Variants in WDR19 observed in about 807,000 individuals in gnomAD.
WDR19 encodes WD repeat-containing protein 19.
WDR19 carries 121 observed loss-of-function variants against 180.0 expected under a neutral mutation model. That is an observed-to-expected ratio of 0.67 (90% confidence interval 0.58 to 0.78). The LOEUF (loss-of-function observed/expected upper bound fraction) is 0.78, where lower values mean the gene tolerates loss of function less well. Ranked by LOEUF, WDR19 falls within the 30% of genes least tolerant of loss-of-function variation. The probability of loss-of-function intolerance (pLI) is 0.00; values close to 1 mark genes in which losing one functional copy is unlikely to be tolerated. For missense variants in WDR19, 1,450 were observed against 1,640.7 expected, an observed-to-expected ratio of 0.88 and a Z score of 2.01; for synonymous variants, 497 against 540.7, an observed-to-expected ratio of 0.92 and a Z score of 1.12.
chr4:39,277,496 T>G (rs1291539518), intron 34 of WDR19, among the ~76,000 whole-genome samples: 1 of 152,234 alleles, frequency 6.6e-6, no homozygotes, highest in African/African-American at 2.4e-5. Flanking sequence ...AGCAGTAGTT[T>G]TTATTATAAT....
intron 32 of WDR19, 33 bp from the exon 33 acceptor site, chr4:39,274,773 CTG>C (rs764336730): frequency 1.9e-6 from 3 of 1,601,930 alleles, no homozygotes; most frequent in Non-Finnish European, 2.6e-6. Flanking sequence ...ACAGCAGACA[CTG>C]TGCTGTTGCT....
chr4:39,228,796 T>C, intron 17 of WDR19, 106 bp downstream of exon 17: 1 of 1,286,432 alleles, frequency 7.8e-7, no homozygotes, highest in East Asian at 2.6e-5. Flanking sequence ...TTCTTTATCC[T>C]TGCAAGAATT....
At chr4:39,193,670 C>A (rs1480340086) in intron 4 of WDR19, among the ~76,000 whole-genome samples, 1 of 152,178 alleles carries the variant, frequency 6.6e-6, no homozygotes, top group Non-Finnish European at 1.5e-5. Flanking sequence ...ACTCTTTTGT[C>A]CTTTTATCAC....
At chr4:39,260,539 C>A (rs1734188809) in intron 28 of WDR19, among the ~76,000 whole-genome samples, 2 of 152,022 alleles carry the variant, frequency 1.3e-5, no homozygotes, top group African/African-American at 4.8e-5. Flanking sequence ...CAGGGTTTCA[C>A]CATGTTGGTC....
At position 39,186,481 on chromosome 4, in the gene WDR19, A is replaced by AC. The variant is rs1180320212; in HGVS notation, c.99-58_99-57insC. 8 of 450,432 alleles carry AC rather than the reference A, an allele frequency of 1.8e-5. No individual in the cohort carries two copies. In the African/African-American group the frequency reaches 2.3e-4, roughly 13 times the overall value. The allele number at this position is 450,432 out of a possible 1,614,324, so 27.9% of individuals were successfully genotyped here. On this transcript the variant is annotated intron_variant, in intron 2 of 36. Coordinates refer to ENST00000399820, the MANE Select transcript of WDR19 (RefSeq NM_025132.4). ...GCAACAGAGGGAGACTCTGTCTCAA[A>AC]AAAAAAAAAAAAAAAAAAAAAAAGT...
chr4:39,270,480 ATTC>A (rs1317946886), intron 31 of WDR19, among the ~76,000 whole-genome samples: 1 of 152,140 alleles, frequency 6.6e-6, no homozygotes, highest in Non-Finnish European at 1.5e-5. Flanking sequence ...GGTTCAAGCA[ATTC>A]TTCTGCCTCA....
chr4:39,278,793 A>C, intron 36 of WDR19, 130 bp downstream of exon 36: 1 of 457,206 alleles, frequency 2.2e-6, no homozygotes, highest in East Asian at 3.3e-5. Flanking sequence ...CAATCTGACA[A>C]CCACCTTTTG....
intron 14 of WDR19, among the ~76,000 whole-genome samples, chr4:39,219,607 C>A (rs911217937): frequency 6.6e-5 from 10 of 152,174 alleles, no homozygotes; most frequent in African/African-American, 2.4e-4. Context: ...CCTTGTTTTC[C>A]TTATCTGGGT....
chr4:39,269,771 T>A (rs985026107), intron 30 of WDR19, among the ~76,000 whole-genome samples: 2 of 152,212 alleles, frequency 1.3e-5, no homozygotes, highest in Admixed American at 6.5e-5. Flanking sequence ...GCCCTTGCAC[T>A]CCAGCCTTGG....
intron 23 of WDR19, among the ~76,000 whole-genome samples, chr4:39,245,093 A>G (rs1255821432): frequency 6.7e-6 from 1 of 150,298 alleles, no homozygotes; most frequent in Admixed American, 6.6e-5. Flanking sequence ...TGCTGCCACA[A>G]TGCCTGGCTA....
At chr4:39,225,082 G>A (rs751345315) in intron 15 of WDR19, 49 bp downstream of exon 15, 6 of 1,418,114 alleles carry the variant, frequency 4.2e-6, no homozygotes, top group Admixed American at 3.2e-5. Context: ...TGCAATATAG[G>A]GAAAAAAAGT....
chr4:39,211,975 GAGAGAGAGAGAT>G (rs1335197206), intron 9 of WDR19, among the ~76,000 whole-genome samples: 3 of 94,146 alleles, frequency 3.2e-5, no homozygotes, highest in Non-Finnish European at 7.5e-5. Context: ...GAGAGAGAGA[GAGAGAGAGAGAT>G]AGATAGATGT....
rs1282503938 is a variant in WDR19, at chr4:39,251,229, G to T, written c.2730-1917G>T. Among the ~76,000 whole-genome samples, 3 of 152,174 alleles carry T rather than the reference G, an allele frequency of 2.0e-5. No homozygotes were observed. In the East Asian group the frequency reaches 5.8e-4, roughly 29 times the overall value. On this transcript the variant is annotated intron_variant, in intron 24 of 36. Transcript: ENST00000399820. ...GCATATCTACAACTATCTGATCTTT[G>T]ACAAACCTGACAAAAACAAGCAATG...
In WDR19 at chr4:39,278,218, A is replaced by G. The variant is rs1364655185; in HGVS notation, c.3917+11A>G. 2 of 1,593,072 alleles carry G rather than the reference A, an allele frequency of 1.3e-6. No homozygotes were observed. Among genetic ancestry groups the G allele is most frequent in the Non-Finnish European group, 1.7e-6 (2 of 1,170,010 alleles). On this transcript the variant is annotated intron_variant, in intron 35 of 36. Coordinates refer to ENST00000399820, the MANE Select transcript of WDR19 (RefSeq NM_025132.4). ...CTCAGAATTGAAGATGTAAGTGTGCATCACGTCACTCAGTCTCACTGATTT... is the reference window on the plus strand; with the variant it reads ...CTCAGAATTGAAGATGTAAGTGTGCGTCACGTCACTCAGTCTCACTGATTT...
chr4:39,189,077 C>T (rs1014994116), intron 3 of WDR19, among the ~76,000 whole-genome samples: 2 of 152,082 alleles, frequency 1.3e-5, no homozygotes, highest in African/African-American at 4.8e-5. Flanking sequence ...CATGCACCAC[C>T]ATGCCCAGCT....
chr4:39,220,094 G>T (rs1001752257), intron 14 of WDR19, among the ~76,000 whole-genome samples: 1 of 151,998 alleles, frequency 6.6e-6, no homozygotes, highest in East Asian at 1.9e-4. Flanking sequence ...GGTCATGTGT[G>T]CCTGTGGTCC....
chr4:39,204,911 A>G (rs1367315689), intron 7 of WDR19, among the ~76,000 whole-genome samples: 1 of 152,224 alleles, frequency 6.6e-6, no homozygotes, highest in Non-Finnish European at 1.5e-5. Flanking sequence ...TTAAATGGAC[A>G]CTCCACAAAG....
Position 39,261,259 on chromosome 4 carries a change from T to A in WDR19, c.3183+3705T>A, listed in dbSNP as rs577754578. ...CACCCACCTTGGCCTCCCAAAGTGT[T>A]GGGATTACAGGCGTGAGCCACCGCG... On this transcript the variant is annotated intron_variant, in intron 28 of 36. Transcript: ENST00000399820. 1.6e-4 allele frequency among the ~76,000 whole-genome samples: 25 copies of A among 152,140 alleles called. No individual in the cohort carries two copies. The South Asian group carries it at 5.2e-3, about 32-fold the overall frequency.
chr4:39,236,276 T>C (rs1321948900), intron 20 of WDR19, among the ~76,000 whole-genome samples: 2 of 150,000 alleles, frequency 1.3e-5, no homozygotes, highest in African/African-American at 2.4e-5. Context: ...AAATGTGGTA[T>C]ACACACACAC....
Sources: gnomAD v4.1 joint callset for allele counts (sites outside exome capture counted in the v4.1 genomes callset) on GRCh38, gnomAD v4.1.1 for gene constraint, MANE v1.5 for transcripts, NCBI Gene and HGNC (gene_info 2026-07-23, HGNC 2026-07-21) for gene names.